The following OSBPL10 variants were observed in gnomAD, a reference collection of about 807,000 sequenced individuals.
The protein encoded by OSBPL10 is oxysterol-binding protein-related protein 10.
A neutral mutation model predicts 81.7 loss-of-function variants in OSBPL10; 49 were observed. The observed-to-expected ratio is 0.60, with a 90% confidence interval of 0.48 to 0.76. The LOEUF (loss-of-function observed/expected upper bound fraction) is 0.76, where lower values mean the gene tolerates loss of function less well. Ranked by LOEUF, OSBPL10 falls within the 30% of genes least tolerant of loss-of-function variation. The pLI is 0.00. For synonymous variants in OSBPL10, 419 were observed against 383.6 expected, an observed-to-expected ratio of 1.09 and a Z score of -1.08; for missense variants, 923 against 987.8, an observed-to-expected ratio of 0.93 and a Z score of 0.88.
At chr3:31,969,810 G>T (rs576295500) in intron 1 of OSBPL10, among the ~76,000 whole-genome samples, 1 of 150,938 alleles carries the variant, frequency 6.6e-6, no homozygotes, top group African/African-American at 2.4e-5. Flanking sequence ...AGCCGAGATC[G>T]CACCACTGCA....
intron 1 of OSBPL10, among the ~76,000 whole-genome samples, chr3:31,902,253 TCAG>T (rs1696264433): frequency 7.3e-6 from 1 of 137,358 alleles, no homozygotes; most frequent in African/African-American, 2.7e-5. Context: ...CTGCTTCTTG[TCAG>T]TATTTTTTTT....
At chr3:31,967,488 GA>G (rs11386348) in intron 1 of OSBPL10, among the ~76,000 whole-genome samples, 2 of 149,006 alleles carry the variant, frequency 1.3e-5, no homozygotes, top group Non-Finnish European at 1.5e-5. Flanking sequence ...TCAAAAAAAT[GA>G]AAAAAAAAAG....
chr3:31,708,723 CCA>C (rs1395919309), intron 6 of OSBPL10: 2 of 985,160 alleles, frequency 2.0e-6, no homozygotes, highest in African/African-American at 3.5e-5. Context: ...ACTGTCCTTC[CCA>C]CACACTGCAC....
chr3:32,026,622 G>A (rs905910465), intron 2 of OSBPL10, among the ~76,000 whole-genome samples: 9 of 152,178 alleles, frequency 5.9e-5, no homozygotes, highest in African/African-American at 2.2e-4. Context: ...AGAGAAAGAC[G>A]CAGAAAACCC....
At chr3:32,069,954 T>G (rs1699813857) in intron 1 of OSBPL10, among the ~76,000 whole-genome samples, 1 of 152,112 alleles carries the variant, frequency 6.6e-6, no homozygotes, top group Non-Finnish European at 1.5e-5. Context: ...TCTGTGTGGG[T>G]CCCCACTGGA....
chr3:31,959,468 G>A (rs1338839879), intron 1 of OSBPL10, among the ~76,000 whole-genome samples: 1 of 152,150 alleles, frequency 6.6e-6, no homozygotes, highest in African/African-American at 2.4e-5. Context: ...AACACAATCT[G>A]TTAATACCCC....
chr3:31,993,711 T>C (rs1368707778), intron 2 of OSBPL10, among the ~76,000 whole-genome samples: 3 of 139,182 alleles, frequency 2.2e-5, no homozygotes, highest in Non-Finnish European at 4.6e-5. Flanking sequence ...CACACAAAAC[T>C]GAGGATACCA....
intron 7 of OSBPL10, among the ~76,000 whole-genome samples, chr3:31,689,851 T>A (rs1175235556): frequency 6.6e-6 from 1 of 152,080 alleles, no homozygotes; most frequent in Non-Finnish European, 1.5e-5. Flanking sequence ...CAGTCTCAGG[T>A]ATGTCTTTTA....
At chr3:31,783,868 A>G (rs761606400) in intron 4 of OSBPL10, among the ~76,000 whole-genome samples, 163 of 132,162 alleles carry the variant, frequency 1.2e-3, no homozygotes, top group Non-Finnish European at 2.3e-3. Flanking sequence ...ATGAATGAAT[A>G]AATAAAAATT....
At chr3:31,766,493 C>T (rs1698204796) in intron 4 of OSBPL10, among the ~76,000 whole-genome samples, 1 of 151,940 alleles carries the variant, frequency 6.6e-6, no homozygotes, top group Non-Finnish European at 1.5e-5. Context: ...TAGGCTCACA[C>T]CATGACACCC....
intron 6 of OSBPL10, among the ~76,000 whole-genome samples, chr3:31,707,589 T>G (rs1696114449): frequency 6.6e-6 from 1 of 152,148 alleles, no homozygotes; most frequent in Admixed American, 6.5e-5. Flanking sequence ...ATATGATCTT[T>G]TTGGGGAAAT....
intron 3 of OSBPL10, among the ~76,000 whole-genome samples, chr3:31,846,629 T>C (rs1438405740): frequency 1.2e-5 from 1 of 86,282 alleles, no homozygotes; most frequent in East Asian, 4.4e-4. Flanking sequence ...CAAAACTCCA[T>C]CTCAATAAAT....
intron 8 of OSBPL10, among the ~76,000 whole-genome samples, 186 bp downstream of exon 8, chr3:31,683,448 G>A (rs563878433): frequency 4.6e-5 from 7 of 152,268 alleles, no homozygotes; most frequent in Admixed American, 1.3e-4. Context: ...CCTTGGCCCC[G>A]CTGGGAAATT....
chr3:31,667,016 C>T (rs1055648052), intron 10 of OSBPL10, among the ~76,000 whole-genome samples: 1 of 152,232 alleles, frequency 6.6e-6, no homozygotes. Flanking sequence ...CATCCCTGCT[C>T]TAAGCTGAAT....
At chr3:31,783,146 T>TATATACACACACACACACACACAC (rs1485968747) in intron 4 of OSBPL10, among the ~76,000 whole-genome samples, 1 of 113,036 alleles carries the variant, frequency 8.8e-6, no homozygotes, top group African/African-American at 3.8e-5. Flanking sequence ...TATATATATA[T>TATATACACACACACACACACACAC]ACACACACAC....
At chr3:31,812,813 A>AGAAG (rs2125484513) in intron 4 of OSBPL10, among the ~76,000 whole-genome samples, 1 of 59,318 alleles carries the variant, frequency 1.7e-5, no homozygotes, top group African/African-American at 7.0e-5. Context: ...AAAGAAAGAA[A>AGAAG]GAAAGAGAAA....
chr3:31,684,159 C>A, intron 7 of OSBPL10, 45 bp from the exon 8 acceptor site: 1 of 1,593,344 alleles, frequency 6.3e-7, no homozygotes, highest in Non-Finnish European at 8.6e-7. Context: ...TGGGATTACA[C>A]GGAAAAGCTG....
At chr3:31,700,139 C>T (rs1408299140) in intron 7 of OSBPL10, among the ~76,000 whole-genome samples, 1 of 90,146 alleles carries the variant, frequency 1.1e-5, no homozygotes, top group Non-Finnish European at 3.1e-5. Context: ...CAGAGTCTTC[C>T]AAGTAAAGTA....
intron 1 of OSBPL10, among the ~76,000 whole-genome samples, chr3:31,965,185 T>A (rs756936023): frequency 6.6e-6 from 1 of 151,054 alleles, no homozygotes; most frequent in Non-Finnish European, 1.5e-5. Context: ...CTGGCTAACA[T>A]GGTGAAATCC....
Sources: allele counts gnomAD v4.1 joint callset (sites outside exome capture counted in the v4.1 genomes callset), GRCh38; gene constraint gnomAD v4.1.1; transcripts MANE v1.5; gene names NCBI Gene and HGNC (gene_info 2026-07-23, HGNC 2026-07-21).